Variants in CTNNA3 observed in about 807,000 individuals in gnomAD.
The protein encoded by CTNNA3 is catenin alpha-3.
Under a neutral mutation model 95.7 loss-of-function variants are expected in CTNNA3, and 76 were observed. The ratio of observed to expected loss-of-function variants is 0.79; its 90% CI spans 0.66 to 0.96. CTNNA3 has a LOEUF of 0.96. CTNNA3 is among the 40% of genes least tolerant of loss of function. The probability of loss-of-function intolerance (pLI) is 0.00; values close to 1 mark genes in which losing one functional copy is unlikely to be tolerated. For missense variants in CTNNA3, 1,191 were observed against 1,089.8 expected (o/e 1.09, Z -1.31); for synonymous variants, 431 against 374.4 (o/e 1.15, Z -1.74).
chr10:67,169,665 A>G (rs1245333458), intron 7 of CTNNA3, among the ~76,000 whole-genome samples: 3 of 152,166 alleles, frequency 2.0e-5, no homozygotes, highest in Non-Finnish European at 4.4e-5. Flanking sequence ...AAAAACCAAA[A>G]CTATAAAAAC....
chr10:67,522,012 A>C, intron 4 of CTNNA3, 51 bp from the exon 5 acceptor site: 2 of 1,572,350 alleles, frequency 1.3e-6, no homozygotes, highest in African/African-American at 1.4e-5. Context: ...GATTTTTCTC[A>C]AATTCTCAAC....
intron 7 of CTNNA3, among the ~76,000 whole-genome samples, chr10:67,121,540 G>C (rs569290339): frequency 7.4e-4 from 113 of 152,096 alleles, no homozygotes; most frequent in African/African-American, 2.6e-3. Context: ...GATAATGGCT[G>C]CAAGATAAAC....
chr10:66,354,925 C>A (rs755172687), intron 12 of CTNNA3, among the ~76,000 whole-genome samples: 25 of 136,936 alleles, frequency 1.8e-4, no homozygotes, highest in Non-Finnish European at 3.7e-4. Flanking sequence ...TACTGGGATT[C>A]AAAGGATCAT....
chr10:67,601,281 G>A (rs1230318776), intron 3 of CTNNA3, among the ~76,000 whole-genome samples: 1 of 152,168 alleles, frequency 6.6e-6, no homozygotes. Context: ...ACAGATGGTG[G>A]ATGGGGGGAA....
At chr10:66,817,706 A>T (rs1344318073) in intron 7 of CTNNA3, among the ~76,000 whole-genome samples, 1 of 152,014 alleles carries the variant, frequency 6.6e-6, no homozygotes, top group Non-Finnish European at 1.5e-5. Flanking sequence ...TTACTGCTCA[A>T]TTCTGCCAAA....
intron 11 of CTNNA3, among the ~76,000 whole-genome samples, chr10:66,407,419 CGAT>C (rs1209141105): frequency 9.2e-5 from 14 of 151,752 alleles, no homozygotes; most frequent in African/African-American, 2.7e-4. Flanking sequence ...TATCTAGCAC[CGAT>C]GATAATAATA....
Position 66,520,613 on chromosome 10 carries a change from A to G in CTNNA3, c.1531+4T>C. The G allele has an allele frequency of 6.3e-7, 1 of 1,596,246 alleles. No individual in the cohort carries two copies. The highest frequency in any genetic ancestry group is 8.5e-7 in the Non-Finnish European group (1 of 1,170,970). On this transcript the variant is annotated splice_donor_region_variant and intron_variant, in intron 11 of 17. Transcript: ENST00000433211. ...ATAAACAAATTAAAAGAATAAAAACATACCAGATACAGCAAGGAAGTCATC... is the reference window on the plus strand; with the variant it reads ...ATAAACAAATTAAAAGAATAAAAACGTACCAGATACAGCAAGGAAGTCATC...
At chr10:67,629,234 T>C (rs189876148) in intron 2 of CTNNA3, among the ~76,000 whole-genome samples, 1 of 152,328 alleles carries the variant, frequency 6.6e-6, no homozygotes. Context: ...TATATGTCCT[T>C]TCTCCTATTA....
At chr10:67,544,704 A>G (rs1403050910) in intron 3 of CTNNA3, among the ~76,000 whole-genome samples, 1 of 152,194 alleles carries the variant, frequency 6.6e-6, no homozygotes, top group Non-Finnish European at 1.5e-5. Context: ...AGGACTGGGA[A>G]TAATGCTTGT....
chr10:67,533,586 A>G (rs1395101890), intron 4 of CTNNA3, among the ~76,000 whole-genome samples: 1 of 152,150 alleles, frequency 6.6e-6, no homozygotes, highest in Non-Finnish European at 1.5e-5. Flanking sequence ...GTTTTTCCCC[A>G]AAAGAACACA....
intron 5 of CTNNA3, among the ~76,000 whole-genome samples, chr10:67,318,481 AG>A (rs1841162893): frequency 6.6e-6 from 1 of 152,222 alleles, no homozygotes; most frequent in African/African-American, 2.4e-5. Context: ...ATCTTTCCCC[AG>A]TAAAATGCAC....
At chr10:66,616,587 A>G (rs572116143) in intron 10 of CTNNA3, among the ~76,000 whole-genome samples, 2 of 152,182 alleles carry the variant, frequency 1.3e-5, no homozygotes, top group African/African-American at 4.8e-5. Context: ...CCAAGTGACA[A>G]ATCTTTTTTG....
At chr10:67,726,465 G>GATATAAT (rs1841222916) in intron 1 of CTNNA3, among the ~76,000 whole-genome samples, 2 of 13,546 alleles carry the variant, frequency 1.5e-4, no homozygotes, top group African/African-American at 1.9e-4. Context: ...TATGATATAT[G>GATATAAT]ATATAATATT....
In CTNNA3 at chr10:67,035,602, A is replaced by G. The variant is rs191256028; in HGVS notation, c.1047+144715T>C. ...CAAAAACCCTATCAGAAGCTTTGAC[A>G]AGAGAAGCAGAAATATAAGGAAAAT... On this transcript the variant is annotated intron_variant, in intron 7 of 17. Coordinates refer to ENST00000433211, the MANE Select transcript of CTNNA3 (RefSeq NM_013266.4). Among the ~76,000 whole-genome samples the G allele has an allele frequency of 3.5e-3, 539 of 152,296 alleles. 3 individuals are homozygous for G. Among genetic ancestry groups the G allele is most frequent in the African/African-American group, 0.012 (499 of 41,568 alleles).
intron 12 of CTNNA3, among the ~76,000 whole-genome samples, chr10:66,294,014 C>T (rs188787524): frequency 6.6e-6 from 1 of 152,188 alleles, no homozygotes; most frequent in East Asian, 1.9e-4. Flanking sequence ...AATAGACTTT[C>T]ATGAGATTAT....
intron 10 of CTNNA3, among the ~76,000 whole-genome samples, chr10:66,565,514 G>A (rs1842678110): frequency 6.6e-6 from 1 of 152,160 alleles, no homozygotes; most frequent in Non-Finnish European, 1.5e-5. Context: ...GGGAAGGATA[G>A]GGGAAATATA....
At chr10:66,650,581 C>T (rs1845859054) in intron 9 of CTNNA3, among the ~76,000 whole-genome samples, 1 of 152,174 alleles carries the variant, frequency 6.6e-6, no homozygotes, top group African/African-American at 2.4e-5. Flanking sequence ...ATGAATGTTA[C>T]AGTTTTTAAA....
At chr10:66,448,617 A>G (rs2093441117) in intron 11 of CTNNA3, among the ~76,000 whole-genome samples, 1 of 151,820 alleles carries the variant, frequency 6.6e-6, no homozygotes, top group African/African-American at 2.4e-5. Context: ...CATAGGTGGG[A>G]ATTGAACAAT....
At chr10:67,690,041 C>T (rs138615945) in intron 1 of CTNNA3, among the ~76,000 whole-genome samples, 7 of 152,260 alleles carry the variant, frequency 4.6e-5, no homozygotes, top group African/African-American at 4.8e-5. Context: ...GCAGACCCCA[C>T]GGTGACTGTT....
Sources: allele counts gnomAD v4.1 joint callset (sites outside exome capture counted in the v4.1 genomes callset), GRCh38; gene constraint gnomAD v4.1.1; transcripts MANE v1.5; gene names NCBI Gene and HGNC (gene_info 2026-07-23, HGNC 2026-07-21).